AUTS2: variants seen among roughly 807,000 people sequenced by gnomAD.
The protein encoded by AUTS2 is autism susceptibility gene 2 protein.
A neutral mutation model predicts 112.4 loss-of-function variants in AUTS2; 17 were observed. That is an observed-to-expected ratio of 0.15 (90% CI 0.10 to 0.23). The LOEUF is 0.23. Among genes scored for constraint, AUTS2 ranks in the 10% least tolerant of loss-of-function variants. The pLI is 1.00. For synonymous variants in AUTS2, 751 were observed against 702.7 expected, an observed-to-expected ratio of 1.07 and a Z score of -1.09; for missense variants, 1,510 against 1,701.6, an observed-to-expected ratio of 0.89 and a Z score of 1.98.
chr7:70,478,431 G>T (rs1199659131), intron 5 of AUTS2, among the ~76,000 whole-genome samples: 1 of 152,034 alleles, frequency 6.6e-6, no homozygotes, highest in African/African-American at 2.4e-5. Flanking sequence ...TTATACTCAG[G>T]GGGTGAGAAT....
chr7:70,705,433 A>G (rs1809684916), intron 6 of AUTS2, among the ~76,000 whole-genome samples: 2 of 152,160 alleles, frequency 1.3e-5, no homozygotes. Flanking sequence ...GATTTTATTA[A>G]TTTCATAGTG....
chr7:70,390,318 G>A (rs542222845), intron 4 of AUTS2, among the ~76,000 whole-genome samples: 24 of 152,252 alleles, frequency 1.6e-4, no homozygotes, highest in East Asian at 3.9e-4. Context: ...GTTGAGGCCC[G>A]GGAATGTGTC....
At chr7:69,756,524 T>G (rs1286218458) in intron 1 of AUTS2, among the ~76,000 whole-genome samples, 3 of 152,098 alleles carry the variant, frequency 2.0e-5, no homozygotes, top group African/African-American at 4.8e-5. Context: ...ATTTGAAGCC[T>G]CTAATGAAAT....
chr7:70,161,409 G>C (rs1308460531), intron 4 of AUTS2, among the ~76,000 whole-genome samples: 2 of 151,640 alleles, frequency 1.3e-5, no homozygotes, highest in Non-Finnish European at 2.9e-5. Context: ...GTTTCTTAGG[G>C]TGATCCCAGC....
At chr7:69,988,116 T>C (rs985839118) in intron 2 of AUTS2, among the ~76,000 whole-genome samples, 2 of 152,226 alleles carry the variant, frequency 1.3e-5, no homozygotes, top group African/African-American at 2.4e-5. Flanking sequence ...AAGGTTGATA[T>C]ATTACTTTTA....
At chr7:69,940,117 C>T (rs1263980667) in intron 2 of AUTS2, among the ~76,000 whole-genome samples, 2 of 152,172 alleles carry the variant, frequency 1.3e-5, no homozygotes, top group Non-Finnish European at 2.9e-5. Context: ...AACCCAGGCA[C>T]AAAGAGACTA....
At chr7:70,359,732 A>G (rs1391926205) in intron 4 of AUTS2, among the ~76,000 whole-genome samples, 3 of 152,176 alleles carry the variant, frequency 2.0e-5, no homozygotes, top group Non-Finnish European at 2.9e-5. Context: ...ACACTGCCAC[A>G]CTGGGGATTA....
chr7:70,702,825 C>T (rs951179467), intron 6 of AUTS2, among the ~76,000 whole-genome samples: 4 of 152,194 alleles, frequency 2.6e-5, no homozygotes, highest in African/African-American at 4.8e-5. Flanking sequence ...TTTCCTCTCC[C>T]GGGCCCTACC....
At chr7:70,328,943 A>G (rs975854811) in intron 4 of AUTS2, among the ~76,000 whole-genome samples, 11 of 152,136 alleles carry the variant, frequency 7.2e-5, no homozygotes, top group Admixed American at 2.0e-4. Flanking sequence ...GTCTGTACCT[A>G]TCCCTTCCTC....
At chr7:70,435,896 C>T (rs191296206) in intron 5 of AUTS2, 115 bp downstream of exon 5, 5 of 1,123,274 alleles carry the variant, frequency 4.5e-6, no homozygotes, top group East Asian at 2.4e-5. Flanking sequence ...GACCTTTTCT[C>T]TTTAGGAAAG....
chr7:70,610,564 T>C (rs760665017), intron 5 of AUTS2, among the ~76,000 whole-genome samples: 3 of 150,762 alleles, frequency 2.0e-5, no homozygotes, highest in Admixed American at 6.6e-5. Context: ...GCCACCCAAG[T>C]AGCTGGGATG....
intron 4 of AUTS2, among the ~76,000 whole-genome samples, chr7:70,399,263 T>C (rs1794223350): frequency 6.6e-6 from 1 of 152,162 alleles, no homozygotes; most frequent in African/African-American, 2.4e-5. Context: ...GTGCTGGGAT[T>C]ATAGGCATGA....
intron 1 of AUTS2, among the ~76,000 whole-genome samples, chr7:69,875,567 G>A (rs1213440196): frequency 2.0e-5 from 3 of 151,894 alleles, no homozygotes; most frequent in Non-Finnish European, 4.4e-5. Flanking sequence ...TAGAGCCTGT[G>A]GGATGAAAAT....
At chr7:70,617,832 T>C (rs1804458779) in intron 5 of AUTS2, among the ~76,000 whole-genome samples, 1 of 152,230 alleles carries the variant, frequency 6.6e-6, no homozygotes, top group Admixed American at 6.5e-5. Context: ...TTTATGTCCA[T>C]TTCTTTGCCT....
rs1323089481 is a variant in AUTS2 at position 70,615,603 on chromosome 7, T to TGTTGTTGGA, written c.691-82965_691-82964insTTGTTGGAG. On this transcript the variant is annotated intron_variant, in intron 5 of 18. Coordinates refer to ENST00000342771, the MANE Select transcript of AUTS2 (RefSeq NM_015570.4). ...TTGTTGTTGTTGTTGTTGTTGTTGT[T>TGTTGTTGGA]GGAAAAGCATTTATTCTCTTTAGGA... Among the ~76,000 whole-genome samples, 163 of 148,702 alleles carry TGTTGTTGGA rather than the reference T, an allele frequency of 1.1e-3. 1 individual carries two copies. The East Asian group carries it at 0.015, about 14-fold the overall frequency.
chr7:70,458,977 C>T lies in AUTS2; in HGVS notation c.690+23196C>T, dbSNP rs11769831. Among the ~76,000 whole-genome samples the T allele has an allele frequency of 2.3e-3, 350 of 152,276 alleles. 4 individuals carry two copies. Among genetic ancestry groups the T allele is most frequent in the African/African-American group, 7.5e-3 (313 of 41,548 alleles). On this transcript the variant is annotated intron_variant, in intron 5 of 18. Coordinates refer to ENST00000342771, the MANE Select transcript of AUTS2 (RefSeq NM_015570.4). ...CCTGCAACTTACTCCCGACCCGGGC[C>T]TCCTCAGAGACAGCCACAATGCAGA...
chr7:70,679,187 T>G (rs1398496174), intron 5 of AUTS2, among the ~76,000 whole-genome samples: 2 of 152,252 alleles, frequency 1.3e-5, no homozygotes, highest in Admixed American at 6.5e-5. Flanking sequence ...CTGTTAGAAA[T>G]TTTTCAAAAT....
chr7:70,581,397 T>C lies in AUTS2; in HGVS notation c.691-117172T>C, dbSNP rs116562243. On this transcript the variant is annotated intron_variant, in intron 5 of 18. Transcript: ENST00000342771. ...GCGAAACTCCGTCTCAATAAATAAA[T>C]AAATAAATAAATTAGCCGGGTGCGA... Among the ~76,000 whole-genome samples, 266 of 152,014 alleles carry C rather than the reference T, an allele frequency of 1.7e-3. 1 individual carries two copies. Among genetic ancestry groups the C allele is most frequent in the African/African-American group, 5.9e-3 (245 of 41,452 alleles).
chr7:70,531,606 G>T (rs1398074434), intron 5 of AUTS2, among the ~76,000 whole-genome samples: 1 of 152,060 alleles, frequency 6.6e-6, no homozygotes, highest in Non-Finnish European at 1.5e-5. Flanking sequence ...GGGGTTCCAG[G>T]CTTTAAATAA....
Sources: gnomAD v4.1 joint callset for allele counts (sites outside exome capture counted in the v4.1 genomes callset) on GRCh38, gnomAD v4.1.1 for gene constraint, MANE v1.5 for transcripts, NCBI Gene and HGNC (gene_info 2026-07-23, HGNC 2026-07-21) for gene names.